The following BCAS1 variants were observed in gnomAD, a reference collection of about 807,000 sequenced individuals.
BCAS1 encodes the protein breast carcinoma-amplified sequence 1.
BCAS1 carries 46 observed loss-of-function variants against 65.4 expected under a neutral mutation model. That is an observed-to-expected ratio of 0.70 (90% confidence interval 0.55 to 0.90). The LOEUF is 0.90. Ranked by LOEUF, BCAS1 falls within the 40% of genes least tolerant of loss-of-function variation. The pLI is 0.00. For synonymous variants in BCAS1, 298 were observed against 293.5 expected, an observed-to-expected ratio of 1.02 and a Z score of -0.16; for missense variants, 793 against 771.2, an observed-to-expected ratio of 1.03 and a Z score of -0.33.
intron 11 of BCAS1, among the ~76,000 whole-genome samples, chr20:53,956,511 G>A (rs1473875725): frequency 6.6e-6 from 1 of 152,186 alleles, no homozygotes; most frequent in Non-Finnish European, 1.5e-5. Flanking sequence ...CATGTATTGA[G>A]CCCTCTATAC....
chr20:54,041,909 C>CAAAAAAAAAAAAAAAAAAAAAAAAAAA (rs796435949), intron 3 of BCAS1, among the ~76,000 whole-genome samples: 1 of 79,766 alleles, frequency 1.3e-5, no homozygotes, highest in Non-Finnish European at 2.2e-5. Context: ...CTGTCTCCCC[C>CAAAAAAAAAAAAAAAAAAAAAAAAAAA]AAAAAAAAAA....
intron 10 of BCAS1, 84 bp downstream of exon 10, chr20:53,966,822 C>A (rs929772867): frequency 1.1e-5 from 14 of 1,314,168 alleles, no homozygotes; most frequent in African/African-American, 1.5e-5. Context: ...AATTATGTCT[C>A]CTACTACCTG....
In BCAS1 at chr20:54,033,438, TAAAC is replaced by T. The variant is rs558469229; in HGVS notation, c.143-4470_143-4467del. Among the ~76,000 whole-genome samples, 199 of 148,890 alleles carry T rather than the reference TAAAC, an allele frequency of 1.3e-3. 2 individuals carry two copies. Among genetic ancestry groups the T allele is most frequent in the African/African-American group, 4.4e-3 (179 of 40,792 alleles). On this transcript the variant is annotated intron_variant, in intron 3 of 12. Transcript: ENST00000688948. ...AACAAGAAAATAGAAAAGATTCAAA[TAAAC>T]ACAATCAGAAACGACAAGGGGGATA...
At chr20:54,045,276 T>C (rs775909296) in intron 3 of BCAS1, among the ~76,000 whole-genome samples, 5 of 141,654 alleles carry the variant, frequency 3.5e-5, no homozygotes, top group African/African-American at 5.2e-5. Context: ...CAGAGAAAAA[T>C]AAGAAAAAAA....
intron 4 of BCAS1, among the ~76,000 whole-genome samples, chr20:54,007,570 C>A (rs1306285589): frequency 6.6e-6 from 1 of 152,318 alleles, no homozygotes; most frequent in East Asian, 1.9e-4. Context: ...GCAGTAATGT[C>A]TCCTGCCTTG....
At chr20:53,994,002 G>A (rs773700647) in intron 6 of BCAS1, among the ~76,000 whole-genome samples, 9 of 152,080 alleles carry the variant, frequency 5.9e-5, no homozygotes, top group Non-Finnish European at 1.2e-4. Context: ...GAATTTTTTT[G>A]TCCCAATTTT....
At chr20:53,969,490 G>C (rs1236565575) in intron 9 of BCAS1, among the ~76,000 whole-genome samples, 1 of 152,076 alleles carries the variant, frequency 6.6e-6, no homozygotes, top group Non-Finnish European at 1.5e-5. Flanking sequence ...CTATTCTATA[G>C]ATAAAGAGTG....
At chr20:54,037,922 G>A (rs76949978) in intron 3 of BCAS1, among the ~76,000 whole-genome samples, 1 of 150,884 alleles carries the variant, frequency 6.6e-6, no homozygotes, top group Non-Finnish European at 1.5e-5. Context: ...ACAAGAGGGG[G>A]AAAAAAACCC....
chr20:53,963,931 G>A lies in BCAS1; in HGVS notation c.1485+2975C>T, dbSNP rs761076485. Among the ~76,000 whole-genome samples, 212 of 152,358 alleles carry A rather than the reference G, an allele frequency of 1.4e-3. 1 individual carries two copies. The highest frequency in any genetic ancestry group is 1.7e-3 in the Non-Finnish European group (117 of 68,034). On this transcript the variant is annotated intron_variant, in intron 10 of 12. Coordinates refer to ENST00000688948, the MANE Select transcript of BCAS1 (RefSeq NM_001366298.2). ...AGGCTTGCGAAGCAGCTGAAATAACGTGGGTGAGACACTTGGTGTGTGCTC... is the reference window on the plus strand; with the variant it reads ...AGGCTTGCGAAGCAGCTGAAATAACATGGGTGAGACACTTGGTGTGTGCTC...
At position 53,985,285 on chromosome 20, in the gene BCAS1, A is replaced by T. The variant is rs1479487809; in HGVS notation, c.1275+2T>A. ...TCTCTAACGCTTGAAAATCAGACTT[A>T]CCTTTTTCCAAAACAGTTTGCCCAG... is the stretch of plus-strand genomic sequence containing the variant. On this transcript the variant is annotated splice_donor_variant, in intron 8 of 12. Coordinates refer to ENST00000688948, the MANE Select transcript of BCAS1 (RefSeq NM_001366298.2). LOFTEE classifies it high-confidence loss of function. 3 of 1,612,680 alleles carry T rather than the reference A, an allele frequency of 1.9e-6. No individual in the cohort carries two copies. The South Asian group carries it at 3.3e-5, about 18-fold the overall frequency.
chr20:54,035,486 G>A (rs1342484746), intron 3 of BCAS1, among the ~76,000 whole-genome samples: 2 of 149,994 alleles, frequency 1.3e-5, no homozygotes, highest in African/African-American at 2.4e-5. Context: ...TCAGAGAAAT[G>A]CAAATCAAAA....
rs2091745793 is a variant in BCAS1, at chr20:54,029,084, G to A, written c.143-112C>T. 3 of 1,450,508 alleles carry A rather than the reference G, an allele frequency of 2.1e-6. No individual in the cohort carries two copies. The African/African-American group carries it at 4.3e-5, about 21-fold the overall frequency. 89.9% of individuals were successfully genotyped at this position (1,450,508 alleles called of 1,614,324 possible). A position where few individuals can be genotyped will look rare whatever the true frequency, so the allele number is the denominator to read the frequency against. ...AAGCCATACTGCATACTGGAACTGT[G>A]TTGTTCTCTGGTCATTCTGAAAGGC... On this transcript the variant is annotated intron_variant, in intron 3 of 12. Coordinates refer to ENST00000688948, the MANE Select transcript of BCAS1 (RefSeq NM_001366298.2).
At chr20:54,008,043 C>G (rs208375) in intron 4 of BCAS1, among the ~76,000 whole-genome samples, 2,906 of 152,290 alleles carry the variant, frequency 0.019, 61 homozygotes, top group East Asian at 0.087. Flanking sequence ...AAAGCCTACT[C>G]TCTCTGACTA....
At chr20:54,026,779 T>C (rs2091682315) in intron 4 of BCAS1, among the ~76,000 whole-genome samples, 1 of 152,242 alleles carries the variant, frequency 6.6e-6, no homozygotes, top group South Asian at 2.1e-4. Context: ...AACTTTCAGG[T>C]CCTGGTTCAT....
chr20:53,953,461 G>C lies in BCAS1; in HGVS notation c.1786C>G (p.Gln596Glu). ...CCTTTAAAGAAGCCCCCAAGGGACTGCTGCCGCTTCTCAGGTCTCTTTTGG... is the reference window on the plus strand; with the variant it reads ...CCTTTAAAGAAGCCCCCAAGGGACTCCTGCCGCTTCTCAGGTCTCTTTTGG... ...KLQKRPEKRQQSLGGFFKGLG... is the reference protein window; with the variant it reads ...KLQKRPEKRQESLGGFFKGLG... The change falls in exon 12 of 13, where the codon CAG (glutamine) becomes GAG (glutamate). Residue 596 changes from glutamine (Q) to glutamate (E), a missense_variant. Coordinates refer to ENST00000688948, the MANE Select transcript of BCAS1 (RefSeq NM_001366298.2). The C allele has an allele frequency of 6.2e-7, 1 of 1,614,114 alleles. No homozygotes were observed. The highest frequency in any genetic ancestry group is 8.5e-7 in the Non-Finnish European group (1 of 1,180,026).
At position 53,966,918 on chromosome 20, in the gene BCAS1, A is replaced by G; in HGVS notation, c.1473T>C (p.Phe491=). The part of the protein sequence containing the change: ...ESKPRTSLMA[F]LRQMSVKGDG... Reference sequence around the variant, plus strand: ...GTAAGGGGCTTACCATTTGTCTGAGAAACGCCATCAGAGAGGTTCTTGGTT... The same window carrying G: ...GTAAGGGGCTTACCATTTGTCTGAGGAACGCCATCAGAGAGGTTCTTGGTT... Residue 491 remains phenylalanine, a synonymous_variant, in exon 10 of 13, where the codon TTT becomes TTC. Transcript: ENST00000688948. 6.2e-7 allele frequency: 1 copy of G among 1,608,094 alleles called. No individual in the cohort carries two copies. The highest frequency in any genetic ancestry group is 1.7e-4 in the Middle Eastern group (1 of 6,036).
chr20:54,016,162 T>C (rs566140305), intron 4 of BCAS1, among the ~76,000 whole-genome samples: 16 of 152,342 alleles, frequency 1.1e-4, no homozygotes, highest in East Asian at 9.6e-4. Flanking sequence ...ATTCTATTTT[T>C]ATGTCACCCT....
intron 3 of BCAS1, among the ~76,000 whole-genome samples, chr20:54,029,899 G>C (rs963862765): frequency 6.6e-6 from 1 of 152,194 alleles, no homozygotes; most frequent in Non-Finnish European, 1.5e-5. Flanking sequence ...TATTAGCATA[G>C]ACTGTTAAGA....
intron 3 of BCAS1, among the ~76,000 whole-genome samples, chr20:54,054,400 T>C (rs1345794014): frequency 6.6e-6 from 1 of 152,178 alleles, no homozygotes; most frequent in African/African-American, 2.4e-5. Context: ...TATACACCAA[T>C]AGAGATCAAT....
Sources: gnomAD v4.1 joint callset for allele counts (sites outside exome capture counted in the v4.1 genomes callset) on GRCh38, gnomAD v4.1.1 for gene constraint, MANE v1.5 for transcripts, NCBI Gene and HGNC (gene_info 2026-07-23, HGNC 2026-07-21) for gene names.